The following STK39 variants were observed in gnomAD, a reference collection of about 807,000 sequenced individuals.
STK39 encodes STE20/SPS1-related proline-alanine-rich protein kinase.
Under a neutral mutation model 77.8 loss-of-function variants are expected in STK39, and 20 were observed. That is an observed-to-expected ratio of 0.26 (90% confidence interval 0.18 to 0.37). The LOEUF (loss-of-function observed/expected upper bound fraction) is 0.37, where lower values mean the gene tolerates loss of function less well. STK39 is among the 10% of genes least tolerant of loss of function. The probability of loss-of-function intolerance (pLI) is 1.00; values close to 1 mark genes in which losing one functional copy is unlikely to be tolerated. For missense variants in STK39, 479 were observed against 656.5 expected (o/e 0.73, Z 2.95); for synonymous variants, 246 against 234.1 (o/e 1.05, Z -0.47).
At chr2:168,047,721 A>G (rs78443282) in intron 14 of STK39, among the ~76,000 whole-genome samples, 8,204 of 152,300 alleles carry the variant, frequency 0.054, 316 homozygotes, top group Non-Finnish European at 0.072. Flanking sequence ...CCTCCTCCCC[A>G]GGGCCCTCTG....
intron 14 of STK39, among the ~76,000 whole-genome samples, chr2:168,030,608 G>T (rs946955469): frequency 6.6e-6 from 1 of 152,160 alleles, no homozygotes; most frequent in Non-Finnish European, 1.5e-5. Context: ...GTCCTCCAGG[G>T]TAGAAATGTA....
rs574340772 is a variant in STK39, at chr2:167,999,868, C to T, written c.1498+12766G>A. On this transcript the variant is annotated intron_variant, in intron 16 of 17. Coordinates refer to ENST00000355999, the MANE Select transcript of STK39 (RefSeq NM_013233.3). Reference sequence around the variant, plus strand: ...TCCTCCCGCTACTTCTGCATGGAAGCAGGTACCACTCTGGCCCCACATAGG... The same window carrying T: ...TCCTCCCGCTACTTCTGCATGGAAGTAGGTACCACTCTGGCCCCACATAGG... Among the ~76,000 whole-genome samples, 3 of 152,308 alleles carry T rather than the reference C, an allele frequency of 2.0e-5. No individual in the cohort carries two copies. In the South Asian group the frequency reaches 6.2e-4, roughly 32 times the overall value.
chr2:168,235,604 CT>C (rs1368808883), intron 1 of STK39, among the ~76,000 whole-genome samples: 2 of 109,512 alleles, frequency 1.8e-5, no homozygotes, highest in Admixed American at 1.2e-4. Flanking sequence ...TCCCTCCCCC[CT>C]CCCCCCACCC....
intron 3 of STK39, among the ~76,000 whole-genome samples, chr2:168,165,258 AATCTGTTCTT>A (rs1255109876): frequency 6.6e-6 from 1 of 152,174 alleles, no homozygotes; most frequent in Non-Finnish European, 1.5e-5. Flanking sequence ...ACCTGTTTAA[AATCTGTTCTT>A]ACCTAAAGCC....
At chr2:167,970,315 A>G (rs944740379) in intron 16 of STK39, among the ~76,000 whole-genome samples, 10 of 152,216 alleles carry the variant, frequency 6.6e-5, no homozygotes, top group African/African-American at 2.4e-4. Flanking sequence ...TGTTTTGTTC[A>G]CTACTATGCT....
chr2:168,006,095 T>C (rs1463159156), intron 16 of STK39, among the ~76,000 whole-genome samples: 2 of 152,156 alleles, frequency 1.3e-5, no homozygotes, highest in Non-Finnish European at 1.5e-5. Flanking sequence ...AACAGACATA[T>C]GTTGCTACAA....
intron 2 of STK39, among the ~76,000 whole-genome samples, chr2:168,172,223 T>A (rs1688846901): frequency 6.6e-6 from 1 of 152,200 alleles, no homozygotes; most frequent in Non-Finnish European, 1.5e-5. Flanking sequence ...CGTGTGAGCA[T>A]CGCCCTAATC....
intron 16 of STK39, among the ~76,000 whole-genome samples, chr2:167,968,858 C>G (rs1223154460): frequency 6.6e-6 from 1 of 152,166 alleles, no homozygotes; most frequent in Non-Finnish European, 1.5e-5. Flanking sequence ...GCCACGCATA[C>G]AGAAAACTTA....
chr2:168,172,606 C>A (rs1367996504), intron 2 of STK39, among the ~76,000 whole-genome samples: 3 of 152,130 alleles, frequency 2.0e-5, no homozygotes, highest in Non-Finnish European at 4.4e-5. Flanking sequence ...AACCTGATTT[C>A]TTTTGTTCCT....
chr2:168,156,675 A>T (rs1188278005), intron 5 of STK39, among the ~76,000 whole-genome samples: 11 of 152,250 alleles, frequency 7.2e-5, no homozygotes, highest in Admixed American at 3.3e-4. Context: ...TCATTACACA[A>T]ACGTGCAAAA....
At chr2:168,041,395 T>C (rs75862029) in intron 14 of STK39, among the ~76,000 whole-genome samples, 1,529 of 152,168 alleles carry the variant, frequency 0.01, 33 homozygotes, top group African/African-American at 0.035. Flanking sequence ...CCCAGGCTAA[T>C]ATCACTTCTC....
intron 1 of STK39, among the ~76,000 whole-genome samples, chr2:168,243,253 G>A (rs1385434406): frequency 1.3e-5 from 2 of 152,204 alleles, no homozygotes; most frequent in African/African-American, 4.8e-5. Context: ...ACAGAGCAAA[G>A]TGGGAATGCC....
Position 167,955,075 on chromosome 2 carries a change from TATAAC to T in STK39, c.*416_*420del, listed in dbSNP as rs1347723455. The stretch of plus-strand genomic sequence containing the variant: ...ATTGTCAGATGTACAATTAAAGTAT[TATAAC>T]AGAAATAACAACAATGAAAGGAGAA... On this transcript the variant is annotated 3_prime_UTR_variant, in exon 18 of 18. Coordinates refer to ENST00000355999, the MANE Select transcript of STK39 (RefSeq NM_013233.3). The T allele has an allele frequency of 6.5e-6, 1 of 154,650 alleles. No individual in the cohort carries two copies. The highest frequency in any genetic ancestry group is 2.4e-5 in the African/African-American group (1 of 41,454). The allele number at this position is 154,650 out of a possible 1,614,324, so 9.6% of individuals were successfully genotyped here. A position where few individuals can be genotyped will look rare whatever the true frequency, so the allele number is the denominator to read the frequency against.
At chr2:168,095,312 T>G (rs17177700) in intron 10 of STK39, among the ~76,000 whole-genome samples, 1 of 152,164 alleles carries the variant, frequency 6.6e-6, no homozygotes, top group Non-Finnish European at 1.5e-5. Context: ...CATTTTTTCA[T>G]GCAAGCTTTA....
At chr2:167,985,434 C>T (rs1328739252) in intron 16 of STK39, among the ~76,000 whole-genome samples, 1 of 152,108 alleles carries the variant, frequency 6.6e-6, no homozygotes, top group Non-Finnish European at 1.5e-5. Context: ...AAGGGTCATG[C>T]CAGGGTTCCC....
At chr2:168,069,644 T>C (rs1685888102) in intron 12 of STK39, among the ~76,000 whole-genome samples, 1 of 152,266 alleles carries the variant, frequency 6.6e-6, no homozygotes, top group African/African-American at 2.4e-5. Context: ...GATTCCAGTC[T>C]GGACTTCTGG....
At chr2:168,206,200 G>C (rs1256239797) in intron 1 of STK39, among the ~76,000 whole-genome samples, 8 of 152,090 alleles carry the variant, frequency 5.3e-5, no homozygotes, top group Non-Finnish European at 1.0e-4. Context: ...CACATCCAGT[G>C]CATACAGTAC....
intron 16 of STK39, among the ~76,000 whole-genome samples, chr2:168,004,977 A>G (rs895718474): frequency 1.4e-5 from 2 of 146,284 alleles, no homozygotes; most frequent in Non-Finnish European, 3.0e-5. Context: ...CTTAGCAAGC[A>G]CTAGGGGACA....
At chr2:168,129,834 C>T in intron 8 of STK39, 76 bp from the exon 9 acceptor site, 1 of 1,521,028 alleles carries the variant, frequency 6.6e-7, no homozygotes, top group Middle Eastern at 2.4e-4. Flanking sequence ...AACAACTTAA[C>T]CTTAAGAGTA....
Sources: allele counts gnomAD v4.1 joint callset (sites outside exome capture counted in the v4.1 genomes callset), GRCh38; gene constraint gnomAD v4.1.1; transcripts MANE v1.5; gene names NCBI Gene and HGNC (gene_info 2026-07-23, HGNC 2026-07-21).